WWOX: variants seen among roughly 807,000 people sequenced by gnomAD.
WWOX encodes the protein WW domain containing oxidoreductase.
In WWOX, 69 loss-of-function variants were observed where a neutral mutation model predicts 46.2. That is an observed-to-expected ratio of 1.49 (90% CI 1.23 to 1.82). The LOEUF is 1.82. WWOX is among the 40% of genes most tolerant of loss of function. The pLI is 0.00. For synonymous variants in WWOX, 359 were observed against 202.6 expected (o/e 1.77, Z -6.56); for missense variants, 919 against 542.6 (o/e 1.69, Z -6.89).
intron 8 of WWOX, among the ~76,000 whole-genome samples, chr16:78,749,595 G>GGA (rs1216044527): frequency 6.6e-6 from 1 of 152,124 alleles, no homozygotes; most frequent in Non-Finnish European, 1.5e-5. Context: ...AAAAAGTGGA[G>GGA]GATATACATT....
At chr16:79,070,194 C>T (rs1016775085) in intron 8 of WWOX, among the ~76,000 whole-genome samples, 1 of 151,872 alleles carries the variant, frequency 6.6e-6, no homozygotes, top group Non-Finnish European at 1.5e-5. Flanking sequence ...GTTTATAAAA[C>T]TTGTAAATGT....
intron 5 of WWOX, among the ~76,000 whole-genome samples, chr16:78,229,470 CTCTA>C (rs1567442613): frequency 6.9e-6 from 1 of 145,196 alleles, no homozygotes; most frequent in East Asian, 2.0e-4. Flanking sequence ...TTTTATCTCT[CTCTA>C]TATGTATATC....
At chr16:78,685,048 G>A (rs541922946) in intron 8 of WWOX, among the ~76,000 whole-genome samples, 2 of 152,090 alleles carry the variant, frequency 1.3e-5, no homozygotes, top group Admixed American at 6.5e-5. Flanking sequence ...TTTTTTCTCT[G>A]TGCTGTTCAC....
At chr16:78,632,060 A>G (rs748822245) in intron 8 of WWOX, among the ~76,000 whole-genome samples, 1 of 152,146 alleles carries the variant, frequency 6.6e-6, no homozygotes, top group Non-Finnish European at 1.5e-5. Flanking sequence ...TTCTTGGTCC[A>G]TGAAATCCAG....
chr16:79,020,611 C>A (rs546878274), intron 8 of WWOX, among the ~76,000 whole-genome samples: 2 of 152,192 alleles, frequency 1.3e-5, no homozygotes, highest in African/African-American at 4.8e-5. Context: ...TACAAGTTTG[C>A]TGGGTAGAAA....
At chr16:78,316,598 C>G (rs1259713135) in intron 5 of WWOX, among the ~76,000 whole-genome samples, 3 of 152,148 alleles carry the variant, frequency 2.0e-5, no homozygotes, top group African/African-American at 7.2e-5. Flanking sequence ...CCGTCTCGGC[C>G]TCCCAAAGTG....
intron 5 of WWOX, among the ~76,000 whole-genome samples, chr16:78,220,320 A>G (rs2036848302): frequency 6.6e-6 from 1 of 152,184 alleles, no homozygotes; most frequent in African/African-American, 2.4e-5. Flanking sequence ...TTAAATGTAC[A>G]GTTTTTATCT....
chr16:79,155,568 G>C (rs1347628767), intron 8 of WWOX, among the ~76,000 whole-genome samples: 3 of 152,120 alleles, frequency 2.0e-5, no homozygotes, highest in African/African-American at 7.2e-5. Context: ...TGGTTGGCTG[G>C]ATTTGGCCAA....
At chr16:78,617,612 T>C (rs2046059126) in intron 8 of WWOX, among the ~76,000 whole-genome samples, 1 of 152,062 alleles carries the variant, frequency 6.6e-6, no homozygotes, top group African/African-American at 2.4e-5. Context: ...ATCCCTGAGG[T>C]GTATCCCCCA....
intron 8 of WWOX, among the ~76,000 whole-genome samples, chr16:78,718,962 C>G (rs1255108676): frequency 1.3e-5 from 2 of 150,878 alleles, no homozygotes; most frequent in African/African-American, 2.5e-5. Flanking sequence ...GCACTAACCA[C>G]TCATTCACAT....
intron 8 of WWOX, among the ~76,000 whole-genome samples, chr16:78,597,887 T>G (rs1188520496): frequency 6.6e-6 from 1 of 152,120 alleles, no homozygotes; most frequent in Non-Finnish European, 1.5e-5. Flanking sequence ...CAGCATACTT[T>G]ATCATATCAG....
At chr16:78,216,807 C>T (rs1395157086) in intron 5 of WWOX, among the ~76,000 whole-genome samples, 15 of 152,258 alleles carry the variant, frequency 9.9e-5, no homozygotes, top group Admixed American at 7.2e-4. Context: ...TCTTGGCTCA[C>T]TGCAACTTCC....
In WWOX at chr16:78,524,767, A is replaced by C. The variant is rs540949736; in HGVS notation, c.1056+92015A>C. 1.2e-4 allele frequency among the ~76,000 whole-genome samples: 18 copies of C among 145,310 alleles called. No individual in the cohort carries two copies. In the South Asian group the frequency reaches 3.7e-3, roughly 30 times the overall value. On this transcript the variant is annotated intron_variant, in intron 8 of 8. Coordinates refer to ENST00000566780, the MANE Select transcript of WWOX (RefSeq NM_016373.4). ...AAGTATTAGCATTGTGATAAATAAT[A>C]TTTAATATATAGTAAGGGAGGTCAA...
chr16:78,635,339 C>T (rs530910705), intron 8 of WWOX, among the ~76,000 whole-genome samples: 2 of 152,220 alleles, frequency 1.3e-5, no homozygotes, highest in Admixed American at 6.5e-5. Flanking sequence ...GGCAGGTGGA[C>T]TTGGATCTAG....
intron 5 of WWOX, among the ~76,000 whole-genome samples, chr16:78,204,807 C>G (rs766561691): frequency 1.8e-4 from 27 of 152,146 alleles, no homozygotes; most frequent in Non-Finnish European, 3.5e-4. Context: ...TATTGCATAG[C>G]AAGTCTGTGA....
intron 8 of WWOX, among the ~76,000 whole-genome samples, chr16:78,862,620 A>G (rs1267798738): frequency 1.3e-5 from 2 of 152,152 alleles, no homozygotes; most frequent in African/African-American, 4.8e-5. Context: ...TCTGAGTCTG[A>G]GCAGCTGAGA....
At chr16:78,314,715 T>TTG (rs1567494615) in intron 5 of WWOX, among the ~76,000 whole-genome samples, 7 of 142,900 alleles carry the variant, frequency 4.9e-5, no homozygotes, top group African/African-American at 1.9e-4. Context: ...TTTTTTTTTT[T>TTG]TTTTTTCTGT....
At chr16:78,564,041 G>A (rs1452830038) in intron 8 of WWOX, among the ~76,000 whole-genome samples, 2 of 152,176 alleles carry the variant, frequency 1.3e-5, no homozygotes, top group East Asian at 3.9e-4. Context: ...CTAGCCTTCT[G>A]GGCGATGAGA....
chr16:78,638,407 G>A lies in WWOX; in HGVS notation c.1056+205655G>A, dbSNP rs9940009. On this transcript the variant is annotated intron_variant, in intron 8 of 8. Coordinates refer to ENST00000566780, the MANE Select transcript of WWOX (RefSeq NM_016373.4). ...TCTGGCTGGGTCTGCCTTTCCAACC[G>A]CTACCACCTTCCACCACCATTTTTT... 8.8e-3 allele frequency among the ~76,000 whole-genome samples: 1,341 copies of A among 151,970 alleles called. 21 individuals carry two copies. The highest frequency in any genetic ancestry group is 0.03 in the African/African-American group (1,235 of 41,426).
Sources: gnomAD v4.1 joint callset for allele counts (sites outside exome capture counted in the v4.1 genomes callset) on GRCh38, gnomAD v4.1.1 for gene constraint, MANE v1.5 for transcripts, NCBI Gene and HGNC (gene_info 2026-07-23, HGNC 2026-07-21) for gene names.